ERC2: variants seen among roughly 807,000 people sequenced by gnomAD.
ERC2 encodes ERC protein 2.
Under a neutral mutation model 114.8 loss-of-function variants are expected in ERC2, and 42 were observed. That is an observed-to-expected ratio of 0.37 (90% CI 0.29 to 0.47). The LOEUF (loss-of-function observed/expected upper bound fraction) is 0.47. ERC2 is among the 20% of genes least tolerant of loss of function. ERC2 has a pLI of 0.99. For missense variants in ERC2, 939 were observed against 1,150.7 expected (o/e 0.82, Z 2.66); for synonymous variants, 454 against 425.5 (o/e 1.07, Z -0.82).
At chr3:56,440,635 T>C (rs1387037052) in intron 1 of ERC2, among the ~76,000 whole-genome samples, 1 of 152,070 alleles carries the variant, frequency 6.6e-6, no homozygotes, top group African/African-American at 2.4e-5. Flanking sequence ...GGCAGGAGGA[T>C]TGCTTGAGGA....
At chr3:55,806,133 G>A (rs113587152) in intron 14 of ERC2, among the ~76,000 whole-genome samples, 9 of 152,070 alleles carry the variant, frequency 5.9e-5, no homozygotes, top group South Asian at 2.1e-4. Context: ...TCAGGAGTTC[G>A]ACACCAGCCT....
At chr3:55,751,362 A>T (rs1446110833) in intron 14 of ERC2, among the ~76,000 whole-genome samples, 2 of 152,186 alleles carry the variant, frequency 1.3e-5, no homozygotes, top group Non-Finnish European at 2.9e-5. Flanking sequence ...AGGGGTCTTC[A>T]GTGACCACAG....
At chr3:55,549,284 CA>C (rs542986161) in intron 17 of ERC2, among the ~76,000 whole-genome samples, 1 of 148,578 alleles carries the variant, frequency 6.7e-6, no homozygotes. Flanking sequence ...GTCCCTCCTG[CA>C]AAAAAAAAGG....
At chr3:55,904,889 C>T (rs1003273189) in intron 13 of ERC2, among the ~76,000 whole-genome samples, 1 of 152,226 alleles carries the variant, frequency 6.6e-6, no homozygotes, top group Admixed American at 6.5e-5. Flanking sequence ...CCCGTTTTCA[C>T]GGTCATTCCT....
chr3:55,574,805 C>G (rs549454989), intron 17 of ERC2, among the ~76,000 whole-genome samples: 110 of 152,280 alleles, frequency 7.2e-4, no homozygotes, highest in African/African-American at 2.6e-3. Context: ...TTCAGTGAGT[C>G]AGAGCCTAGA....
chr3:55,904,141 T>G lies in ERC2; in HGVS notation c.2404-15592A>C, dbSNP rs1042749023. On this transcript the variant is annotated intron_variant, in intron 13 of 17. Transcript: ENST00000288221. ...TTCTCATGTACAGCAACAAATTAAG[T>G]GCCAGTGCAAGTGAGCACTGACAAG... Among the ~76,000 whole-genome samples, 15 of 152,324 alleles carry G rather than the reference T, an allele frequency of 9.8e-5. No individual in the cohort carries two copies. In the South Asian group the frequency reaches 2.3e-3, roughly 23 times the overall value.
intron 6 of ERC2, among the ~76,000 whole-genome samples, chr3:56,117,664 A>G (rs1397361818): frequency 2.6e-5 from 4 of 152,264 alleles, no homozygotes; most frequent in Admixed American, 2.6e-4. Flanking sequence ...AGTTTGACAC[A>G]TATAGAGTGC....
chr3:56,151,022 G>C (rs897652254), intron 4 of ERC2, among the ~76,000 whole-genome samples: 2 of 152,096 alleles, frequency 1.3e-5, no homozygotes, highest in East Asian at 1.9e-4. Flanking sequence ...GCCAGGAAGA[G>C]AGCCCTCACC....
intron 3 of ERC2, among the ~76,000 whole-genome samples, chr3:56,208,590 C>T (rs2048875019): frequency 6.6e-6 from 1 of 152,160 alleles, no homozygotes; most frequent in Non-Finnish European, 1.5e-5. Flanking sequence ...AAATAAGTAG[C>T]AATTCCTGAA....
chr3:55,514,277 G>C (rs1201371398), intron 17 of ERC2, among the ~76,000 whole-genome samples: 1 of 151,966 alleles, frequency 6.6e-6, no homozygotes, highest in African/African-American at 2.4e-5. Context: ...TGCCCCTTTG[G>C]TACCAGCTAT....
Position 56,173,465 on chromosome 3 carries a change from T to C in ERC2, c.1130A>G (p.Gln377Arg). ...TCCTACCTTCATTTCGATGACAGTC[T>C]GGAGAGCCTTCGTCTTGGCTGGCTC... ...QPEPAKTKAL[Q>R]TVIEMKDTKI... The change falls in exon 4 of 18, where the codon CAG (glutamine) becomes CGG (arginine). Residue 377 changes from glutamine (Q) to arginine (R), a missense_variant. Around this residue, in one of 5 missense-constraint regions of ERC2, gnomAD observed 148 missense variants for 159.1 expected, o/e 0.93. Transcript: ENST00000288221. The C allele has an allele frequency of 6.2e-7, 1 of 1,613,966 alleles. No homozygotes were observed. The highest frequency in any genetic ancestry group is 8.5e-7 in the Non-Finnish European group (1 of 1,179,850).
intron 7 of ERC2, among the ~76,000 whole-genome samples, chr3:56,036,995 C>T (rs192716399): frequency 3.3e-5 from 5 of 152,254 alleles, no homozygotes; most frequent in East Asian, 1.9e-4. Flanking sequence ...AAAGCAACAA[C>T]GACAACGACG....
intron 15 of ERC2, among the ~76,000 whole-genome samples, chr3:55,731,863 A>G (rs1019187013): frequency 6.6e-6 from 1 of 152,086 alleles, no homozygotes; most frequent in African/African-American, 2.4e-5. Flanking sequence ...AAGCCTAAGG[A>G]CTCCAGGCAG....
At chr3:55,589,215 C>A (rs373696576) in intron 17 of ERC2, among the ~76,000 whole-genome samples, 383 of 99,662 alleles carry the variant, frequency 3.8e-3, no homozygotes, top group Middle Eastern at 5.7e-3. Flanking sequence ...CAGTCACTAC[C>A]AAAAAAAAAA....
At chr3:55,803,770 C>T (rs1464247023) in intron 14 of ERC2, among the ~76,000 whole-genome samples, 1 of 152,108 alleles carries the variant, frequency 6.6e-6, no homozygotes, top group Non-Finnish European at 1.5e-5. Flanking sequence ...AGATGTTATG[C>T]TATCTCCATC....
At chr3:55,599,977 A>G (rs1039555452) in intron 17 of ERC2, among the ~76,000 whole-genome samples, 1 of 152,202 alleles carries the variant, frequency 6.6e-6, no homozygotes, top group African/African-American at 2.4e-5. Flanking sequence ...GAGGCAGAAG[A>G]CTATAGACAG....
At chr3:56,166,039 T>C (rs1430784757) in intron 4 of ERC2, among the ~76,000 whole-genome samples, 2 of 152,084 alleles carry the variant, frequency 1.3e-5, no homozygotes, top group Admixed American at 6.6e-5. Flanking sequence ...CTTGTAACTA[T>C]TCTTATTAGA....
At chr3:55,938,803 G>A (rs1024709278) in intron 13 of ERC2, among the ~76,000 whole-genome samples, 1 of 152,108 alleles carries the variant, frequency 6.6e-6, no homozygotes. Flanking sequence ...TGAGCCTAGA[G>A]CACTATATTC....
chr3:55,754,057 T>C (rs185425089), intron 14 of ERC2, among the ~76,000 whole-genome samples: 14 of 152,312 alleles, frequency 9.2e-5, no homozygotes, highest in Admixed American at 8.5e-4. Context: ...CAAGCAGTTA[T>C]TATTATTATA....
Sources: gnomAD v4.1 joint callset for allele counts (sites outside exome capture counted in the v4.1 genomes callset) on GRCh38, gnomAD v4.1.1 for gene constraint, gnomAD v4.1.1 regional missense constraint, MANE v1.5 for transcripts, NCBI Gene and HGNC (gene_info 2026-07-23, HGNC 2026-07-21) for gene names.